The following LCP1 variants were observed in gnomAD, a reference collection of about 807,000 sequenced individuals.
The protein encoded by LCP1 is plastin-2.
In LCP1, 23 loss-of-function variants were observed where a neutral mutation model predicts 72.0. That is an observed-to-expected ratio of 0.32 (90% CI 0.23 to 0.45). The LOEUF (loss-of-function observed/expected upper bound fraction) is 0.45, where lower values mean the gene tolerates loss of function less well. LCP1 is among the 20% of genes least tolerant of loss of function. The probability of loss-of-function intolerance (pLI) is 1.00; values close to 1 mark genes in which losing one functional copy is unlikely to be tolerated. For missense variants in LCP1, 571 were observed against 748.3 expected, an observed-to-expected ratio of 0.76 and a Z score of 2.76; for synonymous variants, 245 against 275.4, an observed-to-expected ratio of 0.89 and a Z score of 1.09.
rs1481097323 is a variant in LCP1 at position 46,142,277 on chromosome 13, C to A, written c.1502+15G>T. The A allele has an allele frequency of 3.1e-6, 5 of 1,610,740 alleles. No individual in the cohort carries two copies. Among genetic ancestry groups the A allele is most frequent in the Non-Finnish European group, 3.4e-6 (4 of 1,177,854 alleles). On this transcript the variant is annotated intron_variant, in intron 13 of 15. Coordinates refer to ENST00000323076, the MANE Select transcript of LCP1 (RefSeq NM_002298.5). ...AATGTATTCAAGAAAAAGCCACTTC[C>A]ATAAGCTATACTACCTTCTCATTAG...
At chr13:46,175,826 T>G (rs1241065683) in intron 1 of LCP1, among the ~76,000 whole-genome samples, 1 of 152,230 alleles carries the variant, frequency 6.6e-6, no homozygotes, top group Non-Finnish European at 1.5e-5. Flanking sequence ...TTCGCATTTT[T>G]AAGATGACAA....
chr13:46,142,487 A>G (rs2045704821), intron 12 of LCP1, 62 bp from the exon 13 acceptor site: 5 of 1,501,632 alleles, frequency 3.3e-6, no homozygotes, highest in South Asian at 2.4e-5. Flanking sequence ...AATACCAGAT[A>G]AATAATAAAA....
chr13:46,152,978 T>C, intron 6 of LCP1, 33 bp from the exon 7 acceptor site: 3 of 1,587,098 alleles, frequency 1.9e-6, no homozygotes, highest in Non-Finnish European at 2.6e-6. Flanking sequence ...GTTTTTGTTC[T>C]ATGACTTTGT....
At chr13:46,178,673 G>A (rs1198882771) in intron 1 of LCP1, among the ~76,000 whole-genome samples, 1 of 152,124 alleles carries the variant, frequency 6.6e-6, no homozygotes, top group Non-Finnish European at 1.5e-5. Context: ...TTTCTGCAGT[G>A]TTCAGTATAC....
At chr13:46,178,480 C>A (rs917176669) in intron 1 of LCP1, among the ~76,000 whole-genome samples, 2 of 152,052 alleles carry the variant, frequency 1.3e-5, no homozygotes, top group African/African-American at 4.8e-5. Flanking sequence ...GGGAGATATC[C>A]CTAGGAAACC....
In LCP1 at chr13:46,142,372, G is replaced by A. The variant is rs1456707357; in HGVS notation, c.1422C>T (p.Ser474=). ...VELGKNQAKF[S]LVGIGGQDLN... is the part of the protein sequence containing the mutation. ...GATCTTGTCCACCGATGCCAACCAGGGAGAACTTCGCTTGATTCTTCCCCA... is the reference window on the plus strand; with the variant it reads ...GATCTTGTCCACCGATGCCAACCAGAGAGAACTTCGCTTGATTCTTCCCCA... Residue 474 remains serine, a synonymous_variant, in exon 13 of 16, where the codon TCC becomes TCT. Coordinates refer to ENST00000323076, the MANE Select transcript of LCP1 (RefSeq NM_002298.5). 6.8e-6 allele frequency: 11 copies of A among 1,613,958 alleles called. No homozygotes were observed. Among genetic ancestry groups the A allele is most frequent in the South Asian group, 1.1e-5 (1 of 91,080 alleles).
Position 46,160,266 on chromosome 13 carries a change from A to C in LCP1, c.-24-580T>G, listed in dbSNP as rs372380915. Reference sequence around the variant, plus strand: ...TCCTAGATGACCACATTCCCAGCCAACATCACATTAAGCAGAAGAATCGCC... The same window carrying C: ...TCCTAGATGACCACATTCCCAGCCACCATCACATTAAGCAGAAGAATCGCC... On this transcript the variant is annotated intron_variant, in intron 1 of 15. Transcript: ENST00000323076. 9.5e-4 allele frequency among the ~76,000 whole-genome samples: 145 copies of C among 152,280 alleles called. 3 individuals carry two copies. In the South Asian group the frequency reaches 0.03, roughly 31 times the overall value.
intron 14 of LCP1, among the ~76,000 whole-genome samples, chr13:46,132,041 TAA>T (rs2045637306): frequency 6.6e-6 from 1 of 151,158 alleles, no homozygotes; most frequent in African/African-American, 2.4e-5. Context: ...TGTTCATTTT[TAA>T]AAGGGCTTCA....
intron 1 of LCP1, among the ~76,000 whole-genome samples, chr13:46,168,226 C>T (rs895933957): frequency 1.3e-5 from 2 of 152,150 alleles, no homozygotes; most frequent in Non-Finnish European, 2.9e-5. Context: ...AATTGAGAAG[C>T]GGAGTCCGTT....
rs1416140194 is a variant in LCP1, at chr13:46,156,524, T to C, written c.405A>G (p.Glu135=). ...TGACATGCCGACAATCAGGATCATT[T>C]TCCAGGGCTTTGTTTATCCAGTTGA... is the stretch of plus-strand genomic sequence containing the variant. ...AFVNWINKAL[E]NDPDCRHVIP... The change falls in exon 5 of 16, where the codon GAA becomes GAG. Residue 135 remains glutamate, a synonymous_variant. Transcript: ENST00000323076. The C allele has an allele frequency of 1.2e-6, 2 of 1,614,186 alleles. No homozygotes were observed. The highest frequency in any genetic ancestry group is 1.7e-6 in the Non-Finnish European group (2 of 1,180,020).
intron 1 of LCP1, among the ~76,000 whole-genome samples, chr13:46,178,263 G>A (rs1024955400): frequency 2.0e-5 from 3 of 152,058 alleles, no homozygotes; most frequent in East Asian, 1.9e-4. Flanking sequence ...TAATTGAAGC[G>A]CCTTCCACTC....
intron 5 of LCP1, among the ~76,000 whole-genome samples, chr13:46,155,695 A>G (rs1278109005): frequency 6.6e-6 from 1 of 152,186 alleles, no homozygotes; most frequent in African/African-American, 2.4e-5. Flanking sequence ...AGCAAGAGCT[A>G]CAGAGGTATT....
chr13:46,172,135 G>T (rs564245794), intron 1 of LCP1, among the ~76,000 whole-genome samples: 11 of 152,342 alleles, frequency 7.2e-5, no homozygotes, highest in African/African-American at 2.6e-4. Flanking sequence ...AAGTCTTAGG[G>T]AACCAGTAGT....
chr13:46,171,320 T>G (rs894072022), intron 1 of LCP1, among the ~76,000 whole-genome samples: 4 of 152,210 alleles, frequency 2.6e-5, no homozygotes, highest in African/African-American at 4.8e-5. Flanking sequence ...CGAGTTTCCC[T>G]GCCATCCTTT....
At chr13:46,149,335 C>A (rs1040449132) in intron 8 of LCP1, among the ~76,000 whole-genome samples, 4 of 152,024 alleles carry the variant, frequency 2.6e-5, no homozygotes, top group Non-Finnish European at 4.4e-5. Context: ...TGATGTTGCA[C>A]CTGGGGAAAA....
At chr13:46,140,040 A>G (rs1436703670) in intron 13 of LCP1, among the ~76,000 whole-genome samples, 1 of 152,248 alleles carries the variant, frequency 6.6e-6, no homozygotes, top group African/African-American at 2.4e-5. Context: ...CCAGCATGGA[A>G]AAAGTTTCCA....
At chr13:46,134,568 G>A (rs1318565536) in intron 13 of LCP1, among the ~76,000 whole-genome samples, 1 of 151,946 alleles carries the variant, frequency 6.6e-6, no homozygotes, top group African/African-American at 2.4e-5. Context: ...TCCAACCTGT[G>A]GCAATTTAAA....
In LCP1 at chr13:46,144,558, G is replaced by A. The variant is rs766053165; in HGVS notation, c.1175-38C>T. Reference sequence around the variant, plus strand: ...AGATGGGTTATCTTTTGGGACCGAAGAAAACATAGCTTTTTTATGACCAAA... The same window carrying A: ...AGATGGGTTATCTTTTGGGACCGAAAAAAACATAGCTTTTTTATGACCAAA... On this transcript the variant is annotated intron_variant, in intron 10 of 15. Transcript: ENST00000323076. The A allele has an allele frequency of 2.0e-6, 3 of 1,469,570 alleles. No individual in the cohort carries two copies. In the South Asian group the frequency reaches 3.4e-5, roughly 17 times the overall value. 91.0% of individuals were successfully genotyped at this position (1,469,570 alleles called of 1,614,324 possible).
At chr13:46,146,293 T>C (rs1457690870) in intron 10 of LCP1, among the ~76,000 whole-genome samples, 3 of 152,212 alleles carry the variant, frequency 2.0e-5, no homozygotes, top group Admixed American at 2.0e-4. Context: ...TTAATATTAG[T>C]TGACCTTTGT....
Sources: gnomAD v4.1 joint callset for allele counts (sites outside exome capture counted in the v4.1 genomes callset) on GRCh38, gnomAD v4.1.1 for gene constraint, MANE v1.5 for transcripts, NCBI Gene and HGNC (gene_info 2026-07-23, HGNC 2026-07-21) for gene names.